SNTG1: variants seen among roughly 807,000 people sequenced by gnomAD.
SNTG1 encodes syntrophin gamma 1.
Under a neutral mutation model 74.7 loss-of-function variants are expected in SNTG1, and 39 were observed. The observed-to-expected ratio is 0.52, with a 90% CI of 0.40 to 0.68. SNTG1 has a LOEUF of 0.68. Among genes scored for constraint, SNTG1 ranks in the 30% least tolerant of loss-of-function variants. SNTG1 has a pLI of 0.00. For synonymous variants in SNTG1, 254 were observed against 217.1 expected (o/e 1.17, Z -1.49); for missense variants, 685 against 609.5 (o/e 1.12, Z -1.30).
At chr8:49,949,689 C>T (rs1334362407) in intron 1 of SNTG1, among the ~76,000 whole-genome samples, 5 of 152,148 alleles carry the variant, frequency 3.3e-5, no homozygotes, top group African/African-American at 1.2e-4. Context: ...TCCATGTGCT[C>T]ATAGGTAGGT....
chr8:50,243,164 G>A (rs2086239964), intron 2 of SNTG1, among the ~76,000 whole-genome samples: 1 of 46,962 alleles, frequency 2.1e-5, no homozygotes, highest in South Asian at 1.6e-3. Flanking sequence ...TCAGATAAAT[G>A]AGTCCTGAAT....
intron 18 of SNTG1, among the ~76,000 whole-genome samples, chr8:50,774,762 T>C (rs1012108409): frequency 6.6e-6 from 1 of 151,706 alleles, no homozygotes; most frequent in Non-Finnish European, 1.5e-5. Flanking sequence ...ACTGTGTCTT[T>C]GGGCTTGTAA....
At chr8:50,550,128 A>G (rs1475882752) in intron 11 of SNTG1, among the ~76,000 whole-genome samples, 1 of 152,138 alleles carries the variant, frequency 6.6e-6, no homozygotes, top group African/African-American at 2.4e-5. Context: ...TTTACCAGTG[A>G]CAGTCTTTTC....
At chr8:50,106,499 G>A (rs1033200100) in intron 1 of SNTG1, among the ~76,000 whole-genome samples, 1 of 152,264 alleles carries the variant, frequency 6.6e-6, no homozygotes, top group East Asian at 1.9e-4. Context: ...CAGTTCTCAA[G>A]AGCAGTGACT....
chr8:49,964,486 T>C (rs776718130), intron 1 of SNTG1, among the ~76,000 whole-genome samples: 3 of 152,234 alleles, frequency 2.0e-5, no homozygotes, highest in Non-Finnish European at 4.4e-5. Context: ...AGGTAGATGA[T>C]AACTAGGCAG....
At chr8:50,504,518 G>T (rs566530947) in intron 9 of SNTG1, among the ~76,000 whole-genome samples, 74 of 152,294 alleles carry the variant, frequency 4.9e-4, no homozygotes. Context: ...TAGGTGGGGT[G>T]CAGTGGCCCA....
intron 17 of SNTG1, among the ~76,000 whole-genome samples, chr8:50,727,448 T>C (rs1360837390): frequency 6.6e-6 from 1 of 152,118 alleles, no homozygotes; most frequent in African/African-American, 2.4e-5. Context: ...TCCCAACAGA[T>C]GTGAGCAGAG....
chr8:50,302,787 T>C (rs1477227990), intron 2 of SNTG1, among the ~76,000 whole-genome samples: 1 of 152,140 alleles, frequency 6.6e-6, no homozygotes, highest in African/African-American at 2.4e-5. Context: ...ATACAAGCAC[T>C]CTGCCCTTGG....
At chr8:50,718,500 G>A (rs571527014) in intron 17 of SNTG1, among the ~76,000 whole-genome samples, 42 of 152,086 alleles carry the variant, frequency 2.8e-4, no homozygotes, top group Non-Finnish European at 5.3e-4. Context: ...GCTGCAGTTC[G>A]GATGGTTCTC....
chr8:50,235,770 A>C (rs776974903), intron 2 of SNTG1, among the ~76,000 whole-genome samples: 58 of 152,184 alleles, frequency 3.8e-4, no homozygotes, highest in Admixed American at 8.5e-4. Flanking sequence ...CCCTAAATGC[A>C]TGGGAAGACA....
chr8:49,980,521 C>CAAAAAAAAAAAAAAAAA (rs565561398), intron 1 of SNTG1, among the ~76,000 whole-genome samples: 11 of 53,826 alleles, frequency 2.0e-4, no homozygotes, highest in African/African-American at 7.4e-4. Flanking sequence ...GACTCCTTCG[C>CAAAAAAAAAAAAAAAAA]AAAAAAAAAA....
intron 18 of SNTG1, among the ~76,000 whole-genome samples, chr8:50,774,475 C>T (rs2095634942): frequency 6.6e-6 from 1 of 151,656 alleles, no homozygotes; most frequent in Non-Finnish European, 1.5e-5. Flanking sequence ...AACAAAAAGG[C>T]TGTCATATAA....
chr8:50,438,505 A>G lies in SNTG1; in HGVS notation c.163-38A>G, dbSNP rs572512368. On this transcript the variant is annotated intron_variant, in intron 4 of 18. Transcript: ENST00000642720. The stretch of plus-strand genomic sequence containing the variant: ...AAAAATGGTGTGTAAGTATAGTATT[A>G]GGAAACACTAACCATTCTTAAAAAT... The G allele has an allele frequency of 1.6e-4, 255 of 1,578,190 alleles. 2 individuals are homozygous for G. The South Asian group carries it at 2.5e-3, about 16-fold the overall frequency.
At chr8:49,977,823 TAGA>T (rs927757689) in intron 1 of SNTG1, among the ~76,000 whole-genome samples, 1 of 152,328 alleles carries the variant, frequency 6.6e-6, no homozygotes. Context: ...AAGATAAAGT[TAGA>T]AGGTCAGAAG....
At chr8:50,452,159 G>A (rs1369032294) in intron 8 of SNTG1, among the ~76,000 whole-genome samples, 2 of 152,102 alleles carry the variant, frequency 1.3e-5, no homozygotes, top group African/African-American at 2.4e-5. Flanking sequence ...ACTAATCAAG[G>A]TTTTTTAGTA....
intron 8 of SNTG1, among the ~76,000 whole-genome samples, chr8:50,475,915 CA>C (rs1231888937): frequency 6.6e-6 from 1 of 152,122 alleles, no homozygotes; most frequent in East Asian, 1.9e-4. Flanking sequence ...AACGATGGTA[CA>C]AAAACGTGAA....
chr8:50,644,919 C>CT (rs36012475), intron 13 of SNTG1, among the ~76,000 whole-genome samples: 3,285 of 135,656 alleles, frequency 0.024, 50 homozygotes, highest in Non-Finnish European at 0.028. Context: ...TGCCCAGGTG[C>CT]TTTTTTTTTT....
At chr8:50,470,067 G>A (rs549757173) in intron 8 of SNTG1, among the ~76,000 whole-genome samples, 15 of 152,234 alleles carry the variant, frequency 9.9e-5, no homozygotes, top group South Asian at 2.1e-4. Flanking sequence ...GCTGCCCAGC[G>A]CCACACAAAC....
chr8:50,526,656 TA>T lies in SNTG1; in HGVS notation c.467-3520del, dbSNP rs1401100518. Among the ~76,000 whole-genome samples, 450 of 152,042 alleles carry T rather than the reference TA, an allele frequency of 3.0e-3. 2 individuals carry two copies. The highest frequency in any genetic ancestry group is 7.7e-3 in the African/African-American group (320 of 41,488). On this transcript the variant is annotated intron_variant, in intron 9 of 18. Coordinates refer to ENST00000642720, the MANE Select transcript of SNTG1 (RefSeq NM_018967.5). ...ACACATATATACACGCATATATATA[TA>T]TATATTTTTTTGAGATGGAGTCTCC...
Sources: gnomAD v4.1 joint callset for allele counts (sites outside exome capture counted in the v4.1 genomes callset) on GRCh38, gnomAD v4.1.1 for gene constraint, MANE v1.5 for transcripts, NCBI Gene and HGNC (gene_info 2026-07-23, HGNC 2026-07-21) for gene names.